NFYC: variants seen among roughly 807,000 people sequenced by gnomAD.
NFYC encodes the protein CAAT box DNA-binding protein subunit C.
Under a neutral mutation model 53.1 loss-of-function variants are expected in NFYC, and 25 were observed. That is an observed-to-expected ratio of 0.47 (90% CI 0.34 to 0.66). NFYC has a LOEUF of 0.66. Among genes scored for constraint, NFYC ranks in the 30% least tolerant of loss-of-function variants. NFYC has a pLI of 0.01. For synonymous variants in NFYC, 145 were observed against 152.6 expected (o/e 0.95, Z 0.37); for missense variants, 260 against 422.7 (o/e 0.62, Z 3.38).
chr1:40,708,145 C>T (rs1004509441), intron 1 of NFYC, among the ~76,000 whole-genome samples: 1 of 151,848 alleles, frequency 6.6e-6, no homozygotes, highest in East Asian at 1.9e-4. Context: ...CATAACCTAG[C>T]GATTATTTAA....
At chr1:40,751,467 G>A (rs1051760504) in intron 4 of NFYC, among the ~76,000 whole-genome samples, 1 of 152,030 alleles carries the variant, frequency 6.6e-6, no homozygotes, top group Non-Finnish European at 1.5e-5. Context: ...GTGCAGTGGC[G>A]CAATCACAGC....
chr1:40,719,091 G>A (rs1475237802), intron 1 of NFYC, among the ~76,000 whole-genome samples: 1 of 152,152 alleles, frequency 6.6e-6, no homozygotes, highest in Non-Finnish European at 1.5e-5. Context: ...AGATGGTCTT[G>A]ATCTTATGAC....
Position 40,770,860 on chromosome 1 carries a change from A to T in NFYC, c.*32A>T, listed in dbSNP as rs1162235383. Reference sequence around the variant, plus strand: ...GAGCTGGCAAGGCCAAGGACACCCAACACAATTTTTGCCATACAGCCCCAG... The same window carrying T: ...GAGCTGGCAAGGCCAAGGACACCCATCACAATTTTTGCCATACAGCCCCAG... On this transcript the variant is annotated 3_prime_UTR_variant, in exon 10 of 10. Transcript: ENST00000447388. The surrounding 1 kb of genome is among the most constrained non-coding windows in gnomAD (Gnocchi z 5.3). The T allele has an allele frequency of 1.9e-6, 3 of 1,600,744 alleles. No individual in the cohort carries two copies. In the African/African-American group the frequency reaches 4.0e-5, roughly 21 times the overall value.
In NFYC at chr1:40,770,494, C is replaced by T. The variant is rs1420952412; in HGVS notation, c.889-215C>T. On this transcript the variant is annotated intron_variant, in intron 9 of 9. Coordinates refer to ENST00000447388, the MANE Select transcript of NFYC (RefSeq NM_014223.5). This position sits in a 1 kb window ranked among gnomAD's most constrained non-coding sequence, Gnocchi z 5.3. ...GGAAATTCAACTCCCTGCACCTCTT[C>T]CCTGCCCACCACACACCCCCCCTCA... The T allele has an allele frequency of 1.3e-6, 2 of 1,552,438 alleles. No individual in the cohort carries two copies. The highest frequency in any genetic ancestry group is 2.4e-5 in the South Asian group (2 of 84,274).
At chr1:40,715,534 G>C (rs1644103325) in intron 1 of NFYC, among the ~76,000 whole-genome samples, 1 of 151,766 alleles carries the variant, frequency 6.6e-6, no homozygotes, top group South Asian at 2.1e-4. Flanking sequence ...GTGAGCATCT[G>C]TGCCTGGCTA....
chr1:40,715,709 T>C (rs534668088), intron 1 of NFYC, among the ~76,000 whole-genome samples: 5 of 152,192 alleles, frequency 3.3e-5, no homozygotes, highest in Admixed American at 2.0e-4. Flanking sequence ...TCTCTACTTA[T>C]AGTATTTTTT....
chr1:40,700,428 A>G (rs1293296303), intron 1 of NFYC, among the ~76,000 whole-genome samples: 1 of 151,980 alleles, frequency 6.6e-6, no homozygotes, highest in Non-Finnish European at 1.5e-5. Flanking sequence ...TGCAACCTCA[A>G]ACTTCTGGGT....
intron 1 of NFYC, among the ~76,000 whole-genome samples, chr1:40,705,930 G>A (rs893667952): frequency 2.6e-5 from 4 of 152,066 alleles, no homozygotes; most frequent in Non-Finnish European, 4.4e-5. Flanking sequence ...ATTTTTTATA[G>A]AGATGGGGTC....
At chr1:40,723,416 T>C (rs1320438793) in intron 1 of NFYC, 2 of 152,232 alleles carry the variant, frequency 1.3e-5, no homozygotes, top group Non-Finnish European at 2.9e-5. Flanking sequence ...CAAGGATTTA[T>C]TTACTCGTTA....
intron 2 of NFYC, among the ~76,000 whole-genome samples, chr1:40,739,669 G>A (rs1645234807): frequency 6.6e-6 from 1 of 152,172 alleles, no homozygotes; most frequent in Non-Finnish European, 1.5e-5. Flanking sequence ...TTACAATCTA[G>A]TAATTACAAC....
intron 5 of NFYC, among the ~76,000 whole-genome samples, 185 bp downstream of exon 5, chr1:40,753,431 C>T (rs1570651900): frequency 2.0e-5 from 3 of 152,074 alleles, no homozygotes; most frequent in Admixed American, 6.5e-5. Flanking sequence ...TCAGTGCCTC[C>T]GAAGTGGTAT....
chr1:40,714,588 C>A (rs766426759), intron 1 of NFYC, among the ~76,000 whole-genome samples: 14 of 152,170 alleles, frequency 9.2e-5, no homozygotes, highest in Non-Finnish European at 2.1e-4. Context: ...GAATATATTT[C>A]ATGTCTACAT....
At chr1:40,729,677 CTCTTTTTTTTT>C (rs1199103382) in intron 1 of NFYC, among the ~76,000 whole-genome samples, 1 of 151,148 alleles carries the variant, frequency 6.6e-6, no homozygotes, top group Non-Finnish European at 1.5e-5. Context: ...TCCATCTCAG[CTCTTTTTTTTT>C]TTTTTGAACC....
intron 5 of NFYC, among the ~76,000 whole-genome samples, chr1:40,753,992 C>T (rs572098727): frequency 6.6e-6 from 1 of 152,230 alleles, no homozygotes; most frequent in African/African-American, 2.4e-5. Flanking sequence ...TGTAATAGAC[C>T]TCTGTCCTTT....
At chr1:40,754,417 C>T (rs373732123) in intron 5 of NFYC, 6 of 534,150 alleles carry the variant, frequency 1.1e-5, no homozygotes, top group African/African-American at 1.9e-5. Context: ...GAGGAGCTTT[C>T]AGTCGGATGT....
chr1:40,702,309 T>C (rs1643475438), intron 1 of NFYC, among the ~76,000 whole-genome samples: 1 of 151,920 alleles, frequency 6.6e-6, no homozygotes, highest in East Asian at 1.9e-4. Context: ...CTCAGAATGT[T>C]TCTGGGCCTT....
At chr1:40,718,609 A>C (rs1050745186) in intron 1 of NFYC, among the ~76,000 whole-genome samples, 5 of 152,238 alleles carry the variant, frequency 3.3e-5, no homozygotes, top group African/African-American at 1.2e-4. Context: ...AGCATGGTAC[A>C]AGTAGATAAC....
rs1412183678 is a variant in NFYC, at chr1:40,770,509, A to C, written c.889-200A>C. On this transcript the variant is annotated intron_variant, in intron 9 of 9. Coordinates refer to ENST00000447388, the MANE Select transcript of NFYC (RefSeq NM_014223.5). The surrounding 1 kb of genome is among the most constrained non-coding windows in gnomAD (Gnocchi z 5.3). ...TGCACCTCTTCCCTGCCCACCACACACCCCCCCTCACACCGGGCTGGTGCC... is the reference window on the plus strand; with the variant it reads ...TGCACCTCTTCCCTGCCCACCACACCCCCCCCCTCACACCGGGCTGGTGCC... 3.2e-6 allele frequency: 5 copies of C among 1,553,026 alleles called. No homozygotes were observed. The highest frequency in any genetic ancestry group is 4.4e-6 in the Non-Finnish European group (5 of 1,148,444).
chr1:40,767,249 C>A, intron 8 of NFYC: 1 of 432,430 alleles, frequency 2.3e-6, no homozygotes, highest in South Asian at 2.5e-5. Context: ...ATGGGTATTA[C>A]TTGCAGAAGA....
Sources: gnomAD v4.1 joint callset for allele counts (sites outside exome capture counted in the v4.1 genomes callset) on GRCh38, gnomAD v4.1.1 for gene constraint, Gnocchi (gnomAD v3.1) non-coding constraint, MANE v1.5 for transcripts, NCBI Gene and HGNC (gene_info 2026-07-23, HGNC 2026-07-21) for gene names.